The following FARS2 variants were observed in gnomAD, a reference collection of about 807,000 sequenced individuals.
The protein encoded by FARS2 is phenylalanyl-tRNA synthetase 2, mitochondrial.
A neutral mutation model predicts 46.4 loss-of-function variants in FARS2; 40 were observed. The ratio of observed to expected loss-of-function variants is 0.86; its 90% CI spans 0.67 to 1.12. The LOEUF is 1.12. FARS2 is among the 50% of genes most tolerant of loss of function. FARS2 has a pLI of 0.00. For missense variants in FARS2, 513 were observed against 567.9 expected, an observed-to-expected ratio of 0.90 and a Z score of 0.98; for synonymous variants, 234 against 214.9, an observed-to-expected ratio of 1.09 and a Z score of -0.78.
At chr6:5,285,310 A>C (rs1047098802) in intron 1 of FARS2, among the ~76,000 whole-genome samples, 5 of 152,080 alleles carry the variant, frequency 3.3e-5, no homozygotes, top group Admixed American at 1.3e-4. Flanking sequence ...GTCCAGAGGG[A>C]GAAGGGGAGG....
At chr6:5,389,357 C>T (rs1235215586) in intron 2 of FARS2, among the ~76,000 whole-genome samples, 1 of 152,154 alleles carries the variant, frequency 6.6e-6, no homozygotes, top group Non-Finnish European at 1.5e-5. Context: ...CTCTCTCTCT[C>T]CTCTTTATTA....
chr6:5,487,501 C>T (rs1388583732), intron 4 of FARS2, among the ~76,000 whole-genome samples: 2 of 152,230 alleles, frequency 1.3e-5, no homozygotes, highest in African/African-American at 4.8e-5. Context: ...ATACCTACAA[C>T]AGCCGTGTGT....
chr6:5,601,045 T>C (rs1173564298), intron 5 of FARS2, among the ~76,000 whole-genome samples: 1 of 152,072 alleles, frequency 6.6e-6, no homozygotes, highest in Non-Finnish European at 1.5e-5. Context: ...CCCCCTGCCA[T>C]GTGAAGATTC....
chr6:5,297,011 A>G (rs1369856227), intron 1 of FARS2, among the ~76,000 whole-genome samples: 1 of 152,254 alleles, frequency 6.6e-6, no homozygotes, highest in Non-Finnish European at 1.5e-5. Context: ...TGTTTTCCAC[A>G]GTGGCTGTAC....
chr6:5,750,570 AAG>A (rs1233852267), intron 6 of FARS2, among the ~76,000 whole-genome samples: 21 of 152,120 alleles, frequency 1.4e-4, no homozygotes, highest in Non-Finnish European at 1.9e-4. Context: ...TCCCAGGTGA[AAG>A]AGGGGTTGCA....
At chr6:5,362,928 T>TTTC in intron 1 of FARS2, among the ~76,000 whole-genome samples, 1 of 39,232 alleles carries the variant, frequency 2.5e-5, no homozygotes, top group Non-Finnish European at 5.8e-5. Context: ...TCTTTCTTTC[T>TTTC]TTTTTTTTTT....
intron 6 of FARS2, among the ~76,000 whole-genome samples, chr6:5,725,704 A>T (rs929976605): frequency 6.6e-6 from 1 of 152,194 alleles, no homozygotes; most frequent in African/African-American, 2.4e-5. Context: ...GAGAGGCCAA[A>T]GCTGGTGGAT....
At chr6:5,348,335 G>A (rs1186212102) in intron 1 of FARS2, among the ~76,000 whole-genome samples, 1 of 151,410 alleles carries the variant, frequency 6.6e-6, no homozygotes, top group Non-Finnish European at 1.5e-5. Context: ...ATCTTGAATG[G>A]ATGTATGTGT....
chr6:5,324,035 A>G (rs1488063202), intron 1 of FARS2, among the ~76,000 whole-genome samples: 1 of 152,154 alleles, frequency 6.6e-6, no homozygotes, highest in Non-Finnish European at 1.5e-5. Context: ...TCACATGGAA[A>G]CATGCCAAGC....
chr6:5,529,332 A>G (rs933980497), intron 4 of FARS2, among the ~76,000 whole-genome samples: 1 of 152,052 alleles, frequency 6.6e-6, no homozygotes. Flanking sequence ...TTTTTGAGAC[A>G]GAGTCTCACT....
intron 4 of FARS2, among the ~76,000 whole-genome samples, chr6:5,460,036 C>T (rs888686804): frequency 3.3e-5 from 5 of 152,176 alleles, no homozygotes; most frequent in African/African-American, 9.6e-5. Flanking sequence ...GCAGTTAGAG[C>T]GTGTTTTGGG....
At chr6:5,503,784 A>T (rs1188532561) in intron 4 of FARS2, among the ~76,000 whole-genome samples, 5 of 152,138 alleles carry the variant, frequency 3.3e-5, no homozygotes, top group African/African-American at 1.2e-4. Flanking sequence ...ATACAAAAAC[A>T]CACCTCACTG....
Position 5,439,083 on chromosome 6 carries a change from C to T in FARS2, c.904+7911C>T, listed in dbSNP as rs142326415. On this transcript the variant is annotated intron_variant, in intron 4 of 6. Coordinates refer to ENST00000274680, the MANE Select transcript of FARS2 (RefSeq NM_006567.5). The stretch of plus-strand genomic sequence containing the variant: ...AGTGGGACCTGCTTCCTAGGGGCAG[C>T]GATTCAGTTCTCAGTGTAAGTCTTT... 3.4e-3 allele frequency among the ~76,000 whole-genome samples: 511 copies of T among 152,196 alleles called. 6 individuals are homozygous for T. The highest frequency in any genetic ancestry group is 0.011 in the African/African-American group (470 of 41,522).
intron 4 of FARS2, among the ~76,000 whole-genome samples, chr6:5,476,769 C>G (rs966300477): frequency 6.6e-6 from 1 of 152,030 alleles, no homozygotes; most frequent in Non-Finnish European, 1.5e-5. Context: ...ATGTGACAAA[C>G]CTAACAGGAC....
At chr6:5,566,657 A>G (rs1213973414) in intron 5 of FARS2, among the ~76,000 whole-genome samples, 2 of 152,242 alleles carry the variant, frequency 1.3e-5, no homozygotes, top group Admixed American at 6.5e-5. Flanking sequence ...CAGAAAAACA[A>G]GATTCAAGAA....
At chr6:5,331,103 T>TAAAA (rs11362298) in intron 1 of FARS2, among the ~76,000 whole-genome samples, 1 of 132,916 alleles carries the variant, frequency 7.5e-6, no homozygotes, top group Non-Finnish European at 1.6e-5. Flanking sequence ...AAACTCCGTT[T>TAAAA]AAAAAAAAAA....
At chr6:5,664,231 C>T (rs2064108) in intron 6 of FARS2, among the ~76,000 whole-genome samples, 54,091 of 152,172 alleles carry the variant, frequency 0.36, 10,862 homozygotes, top group Non-Finnish European at 0.46. Context: ...AAAATAGGAA[C>T]TCCCCTGTGC....
chr6:5,734,086 AC>A (rs1274916402), intron 6 of FARS2, among the ~76,000 whole-genome samples: 3 of 152,188 alleles, frequency 2.0e-5, no homozygotes, highest in African/African-American at 7.2e-5. Flanking sequence ...GATTGCCGAA[AC>A]CTGCTGTGGA....
intron 1 of FARS2, among the ~76,000 whole-genome samples, chr6:5,310,983 A>G (rs1395123346): frequency 6.6e-6 from 1 of 152,226 alleles, no homozygotes; most frequent in Non-Finnish European, 1.5e-5. Flanking sequence ...CAATCCCACC[A>G]TTAAAAAGTT....
Sources: allele counts gnomAD v4.1 joint callset (sites outside exome capture counted in the v4.1 genomes callset), GRCh38; gene constraint gnomAD v4.1.1; transcripts MANE v1.5; gene names NCBI Gene and HGNC (gene_info 2026-07-23, HGNC 2026-07-21).